Variants in FHIT observed in about 807,000 individuals in gnomAD.
The protein encoded by FHIT is bis(5'-adenosyl)-triphosphatase.
In FHIT, 19 loss-of-function variants were observed where a neutral mutation model predicts 17.9. The ratio of observed to expected loss-of-function variants is 1.06; its 90% CI spans 0.74 to 1.56. The LOEUF (loss-of-function observed/expected upper bound fraction) is 1.56. FHIT is among the 40% of genes most tolerant of loss of function. The pLI is 0.00. For missense variants in FHIT, 248 were observed against 189.2 expected, an observed-to-expected ratio of 1.31 and a Z score of -1.82; for synonymous variants, 81 against 69.7, an observed-to-expected ratio of 1.16 and a Z score of -0.81.
chr3:61,226,701 G>C (rs982813843), intron 1 of FHIT, among the ~76,000 whole-genome samples: 9 of 152,240 alleles, frequency 5.9e-5, no homozygotes, highest in African/African-American at 2.2e-4. Flanking sequence ...AGGAAAGAGA[G>C]AGAGAAAGAG....
chr3:61,218,898 C>T (rs994851904), intron 1 of FHIT, among the ~76,000 whole-genome samples: 3 of 152,206 alleles, frequency 2.0e-5, no homozygotes, highest in African/African-American at 7.2e-5. Flanking sequence ...CAGCACCCAA[C>T]AGTCATTCAA....
chr3:60,560,810 C>CAT (rs1303063839), intron 4 of FHIT, among the ~76,000 whole-genome samples: 4 of 62,380 alleles, frequency 6.4e-5, no homozygotes, highest in African/African-American at 2.2e-4. Context: ...GAGACACACA[C>CAT]ACACACACAC....
chr3:60,399,088 C>T (rs1429805857), intron 5 of FHIT, among the ~76,000 whole-genome samples: 1 of 152,114 alleles, frequency 6.6e-6, no homozygotes, highest in African/African-American at 2.4e-5. Context: ...TGCTTTCTAT[C>T]AGCTTTTTGG....
intron 3 of FHIT, among the ~76,000 whole-genome samples, chr3:60,935,149 T>C (rs537562115): frequency 6.6e-6 from 1 of 152,320 alleles, no homozygotes; most frequent in African/African-American, 2.4e-5. Context: ...AATCTGAGTG[T>C]CAGAAAAATT....
At chr3:60,990,437 G>A (rs1277222978) in intron 3 of FHIT, among the ~76,000 whole-genome samples, 1 of 152,164 alleles carries the variant, frequency 6.6e-6, no homozygotes, top group Non-Finnish European at 1.5e-5. Flanking sequence ...GAATGGGGTG[G>A]CGATGATAAA....
In FHIT at chr3:61,249,983, CACACACAA is replaced by C. The variant is rs1301842826; in HGVS notation, c.-213+1310_-213+1317del. On this transcript the variant is annotated intron_variant, in intron 1 of 9. Transcript: ENST00000492590. ...ACACACACACACACACACACACACACACACACAAACCCTAGACTTCTTTCTTTACTAAA... is the reference window on the plus strand; with the variant it reads ...ACACACACACACACACACACACACACACCCTAGACTTCTTTCTTTACTAAA... 1.8e-3 allele frequency among the ~76,000 whole-genome samples: 233 copies of C among 129,352 alleles called. 2 individuals carry two copies. Among genetic ancestry groups the C allele is most frequent in the African/African-American group, 7.2e-3 (212 of 29,256 alleles). The allele number at this position is 129,352 out of a possible 152,430, so 84.9% of individuals were successfully genotyped here. A position where few individuals can be genotyped will look rare whatever the true frequency, so the allele number is the denominator to read the frequency against.
rs533469197 is a variant in FHIT at position 60,223,520 on chromosome 3, C to T, written c.104-209368G>A. Among the ~76,000 whole-genome samples the T allele has an allele frequency of 2.6e-5, 4 of 152,236 alleles. No individual in the cohort carries two copies. The South Asian group carries it at 6.2e-4, about 24-fold the overall frequency. ...ATTTTATTTACTAATCTAAAAACTG[C>T]ACACACCCACCTTCCCTTCAATATT... On this transcript the variant is annotated intron_variant, in intron 5 of 9. Transcript: ENST00000492590.
At chr3:60,635,858 CAT>C (rs1180993581) in intron 4 of FHIT, among the ~76,000 whole-genome samples, 1 of 151,912 alleles carries the variant, frequency 6.6e-6, no homozygotes, top group Non-Finnish European at 1.5e-5. Context: ...TTGTGAGCCA[CAT>C]ATATATATAG....
At chr3:60,903,822 G>A (rs1575667297) in intron 3 of FHIT, among the ~76,000 whole-genome samples, 1 of 152,322 alleles carries the variant, frequency 6.6e-6, no homozygotes, top group East Asian at 1.9e-4. Flanking sequence ...GAATTGGACT[G>A]CCAATGAGGA....
chr3:60,696,797 C>G (rs546865400), intron 4 of FHIT, among the ~76,000 whole-genome samples: 1 of 152,102 alleles, frequency 6.6e-6, no homozygotes, highest in Non-Finnish European at 1.5e-5. Flanking sequence ...GTAAACATTA[C>G]GACCTTAGGT....
chr3:60,898,041 T>C (rs1185696361), intron 3 of FHIT, among the ~76,000 whole-genome samples: 1 of 152,196 alleles, frequency 6.6e-6, no homozygotes, highest in African/African-American at 2.4e-5. Flanking sequence ...ATGTTGGAAC[T>C]GTTAATATTT....
intron 4 of FHIT, among the ~76,000 whole-genome samples, chr3:60,570,208 A>T (rs1332962690): frequency 1.3e-5 from 2 of 152,148 alleles, no homozygotes; most frequent in African/African-American, 4.8e-5. Context: ...TAAACACAGA[A>T]ATAAAGAAAG....
In FHIT at chr3:60,822,682, A is replaced by AT. The variant is rs572889627; in HGVS notation, c.-110-672dup. ...TTTGAAGGGTACATTTATGAAGAGG[A>AT]TTTTTTTTTTCTAAATGAGAATAAA... On this transcript the variant is annotated intron_variant, in intron 3 of 9. Coordinates refer to ENST00000492590, the MANE Select transcript of FHIT (RefSeq NM_002012.4). 2.8e-3 allele frequency among the ~76,000 whole-genome samples: 422 copies of AT among 151,144 alleles called. 1 individual carries two copies. The highest frequency in any genetic ancestry group is 4.4e-3 in the Non-Finnish European group (301 of 67,750).
intron 5 of FHIT, among the ~76,000 whole-genome samples, chr3:60,509,881 A>T (rs1164031954): frequency 7.2e-5 from 11 of 152,158 alleles, no homozygotes; most frequent in Non-Finnish European, 4.4e-5. Flanking sequence ...TTTTGTTTCA[A>T]TGAATACATC....
chr3:60,542,681 C>T lies in FHIT; in HGVS notation c.-17-5702G>A, dbSNP rs78892412. Among the ~76,000 whole-genome samples, 1,276 of 152,126 alleles carry T rather than the reference C, an allele frequency of 8.4e-3. 30 individuals are homozygous for T. Among genetic ancestry groups the T allele is most frequent in the African/African-American group, 0.029 (1,223 of 41,498 alleles). ...TAAATATTGATCATGGTCTATTAAA[C>T]ACAATAATTATATTTTCACCATCTA... On this transcript the variant is annotated intron_variant, in intron 4 of 9. Transcript: ENST00000492590.
chr3:60,041,555 G>T (rs1201603325), intron 5 of FHIT, among the ~76,000 whole-genome samples: 2 of 152,160 alleles, frequency 1.3e-5, no homozygotes, highest in Non-Finnish European at 2.9e-5. Flanking sequence ...ATCAGAACAT[G>T]CCTGCAACAT....
intron 5 of FHIT, among the ~76,000 whole-genome samples, chr3:60,497,613 G>C (rs2034353505): frequency 6.6e-6 from 1 of 152,108 alleles, no homozygotes; most frequent in African/African-American, 2.4e-5. Context: ...AAGGAAGACT[G>C]TGGAAGAACC....
At chr3:60,359,571 G>T (rs1448504926) in intron 5 of FHIT, among the ~76,000 whole-genome samples, 3 of 152,242 alleles carry the variant, frequency 2.0e-5, no homozygotes, top group Admixed American at 2.0e-4. Context: ...GAGCCACTGT[G>T]CCCGGCCTGA....
chr3:60,394,747 A>G (rs1002676206), intron 5 of FHIT, among the ~76,000 whole-genome samples: 1 of 152,204 alleles, frequency 6.6e-6, no homozygotes, highest in African/African-American at 2.4e-5. Context: ...GGCACAAAGT[A>G]AGGTCTCCAC....
Sources: gnomAD v4.1 joint callset for allele counts (sites outside exome capture counted in the v4.1 genomes callset) on GRCh38, gnomAD v4.1.1 for gene constraint, MANE v1.5 for transcripts, NCBI Gene and HGNC (gene_info 2026-07-23, HGNC 2026-07-21) for gene names.